NFIL3: variants seen among roughly 807,000 people sequenced by gnomAD.
The protein encoded by NFIL3 is nuclear factor interleukin-3-regulated protein.
NFIL3 carries 5 observed loss-of-function variants against 10.0 expected under a neutral mutation model. The ratio of observed to expected loss-of-function variants is 0.50; its 90% CI spans 0.26 to 1.06. The LOEUF (loss-of-function observed/expected upper bound fraction) is 1.06, where lower values mean the gene tolerates loss of function less well. Ranked by LOEUF, NFIL3 falls within the 50% of genes least tolerant of loss-of-function variation. The pLI is 0.13. For missense variants in NFIL3, 436 were observed against 547.6 expected (o/e 0.80, Z 2.03); for synonymous variants, 202 against 206.5 (o/e 0.98, Z 0.19).
chr9:91,436,607 CAACAACAACAACAAA>C, the NFIL3 span, among the ~76,000 whole-genome samples: 4 of 149,208 alleles, frequency 2.7e-5, no homozygotes, highest in African/African-American at 5.1e-5. Flanking sequence ...ACAACAACAA[CAACAACAACAACAAA>C]GAGTTGAAGG....
the NFIL3 span, among the ~76,000 whole-genome samples, chr9:91,444,175 C>T: frequency 6.6e-6 from 1 of 151,976 alleles, no homozygotes; most frequent in Non-Finnish European, 1.5e-5. Flanking sequence ...TTCAAGTTCA[C>T]AGAATCTTTC....
the NFIL3 span, among the ~76,000 whole-genome samples, chr9:91,438,670 T>G: frequency 4.6e-5 from 7 of 152,214 alleles, no homozygotes; most frequent in Non-Finnish European, 8.8e-5. Flanking sequence ...TTATCCATTT[T>G]GAGTTGCTTT....
the NFIL3 span, among the ~76,000 whole-genome samples, chr9:91,463,404 TTTA>T: frequency 2.0e-4 from 30 of 151,480 alleles, no homozygotes; most frequent in African/African-American, 6.0e-4. Context: ...TATTTCATTA[TTTA>T]TTATTTTATT....
At chr9:91,460,996 G>A in the NFIL3 span, among the ~76,000 whole-genome samples, 13 of 152,328 alleles carry the variant, frequency 8.5e-5, no homozygotes, top group South Asian at 2.5e-3. Context: ...TAAGCAATGA[G>A]TAAGACGCTT....
At chr9:91,450,964 C>T in the NFIL3 span, among the ~76,000 whole-genome samples, 1 of 152,116 alleles carries the variant, frequency 6.6e-6, no homozygotes, top group Admixed American at 6.6e-5. Flanking sequence ...ATCTGTTCCC[C>T]AAACAGTAAC....
the NFIL3 span, among the ~76,000 whole-genome samples, chr9:91,467,530 G>A: frequency 3.3e-5 from 5 of 151,692 alleles, no homozygotes; most frequent in Admixed American, 2.6e-4. Context: ...GATTCTCTGG[G>A]ATTTTTTTTA....
At chr9:91,432,738 A>G in the NFIL3 span, among the ~76,000 whole-genome samples, 1 of 152,180 alleles carries the variant, frequency 6.6e-6, no homozygotes, top group Admixed American at 6.5e-5. Flanking sequence ...TTTGTAAAGC[A>G]TTAGTGTGAG....
In NFIL3 at chr9:91,410,262, T is replaced by C; in HGVS notation, c.473A>G (p.Asn158Ser). The C allele has an allele frequency of 1.2e-6, 2 of 1,614,196 alleles. No individual in the cohort carries two copies. Among genetic ancestry groups the C allele is most frequent in the South Asian group, 2.2e-5 (2 of 91,084 alleles). ...YFQDYQTSKSNVSSFVDEHEP... is the reference protein window; with the variant it reads ...YFQDYQTSKSSVSSFVDEHEP... ...GTGCTCGTCCACAAATGAACTCACATTGGATTTGGAAGTCTGGTAATCTTG... is the reference window on the plus strand; with the variant it reads ...GTGCTCGTCCACAAATGAACTCACACTGGATTTGGAAGTCTGGTAATCTTG... The change falls in exon 2 of 2, where the codon AAT becomes AGT. Residue 158 changes from asparagine to serine, a missense_variant. Asn to Ser is a conservative substitution (Grantham distance 46). Coordinates refer to ENST00000297689, the MANE Select transcript of NFIL3 (RefSeq NM_005384.3). This position sits in a 1 kb window ranked among gnomAD's most constrained non-coding sequence, Gnocchi z 5.7.
Position 91,410,288 on chromosome 9 carries a change from A to T in NFIL3, c.447T>A (p.Phe149Leu). ...TGGATTTGGAAGTCTGGTAATCTTGAAAGTACACAGCTGTAGAATTACTGA... is the reference window on the plus strand; with the variant it reads ...TGGATTTGGAAGTCTGGTAATCTTGTAAGTACACAGCTGTAGAATTACTGA... ...QKLSNSTAVYFQDYQTSKSNV... is the reference protein window; with the variant it reads ...QKLSNSTAVYLQDYQTSKSNV... Residue 149 changes from phenylalanine to leucine, a missense_variant, in exon 2 of 2, where the codon TTT becomes TTA. Physicochemically the swap from Phe to Leu is conservative, Grantham distance 22 (BLOSUM62 0). Around this residue, in one of 3 missense-constraint regions of NFIL3, gnomAD observed 338 missense variants for 399.9 expected, o/e 0.85. Coordinates refer to ENST00000297689, the MANE Select transcript of NFIL3 (RefSeq NM_005384.3). This position sits in a 1 kb window ranked among gnomAD's most constrained non-coding sequence, Gnocchi z 5.7. 2 of 1,614,202 alleles carry T rather than the reference A, an allele frequency of 1.2e-6. No individual in the cohort carries two copies. Among genetic ancestry groups the T allele is most frequent in the Non-Finnish European group, 1.7e-6 (2 of 1,180,040 alleles).
the NFIL3 span, among the ~76,000 whole-genome samples, chr9:91,429,807 G>A: frequency 6.6e-6 from 1 of 151,960 alleles, no homozygotes; most frequent in Non-Finnish European, 1.5e-5. Flanking sequence ...GCCAGCTCTC[G>A]GGCAGTCACC....
At chr9:91,429,923 A>G in the NFIL3 span, among the ~76,000 whole-genome samples, 2 of 151,800 alleles carry the variant, frequency 1.3e-5, no homozygotes, top group Non-Finnish European at 2.9e-5. Context: ...GCTGTGGGCA[A>G]CTTACTTTTC....
chr9:91,470,584 G>T, the NFIL3 span, among the ~76,000 whole-genome samples: 8 of 151,946 alleles, frequency 5.3e-5, no homozygotes, highest in Non-Finnish European at 7.4e-5. Context: ...GTTTGCCCTT[G>T]CTTCTCTAGT....
intron 1 of NFIL3, among the ~76,000 whole-genome samples, chr9:91,412,947 C>CT (rs1386442266): frequency 8.0e-5 from 12 of 150,916 alleles, no homozygotes; most frequent in Admixed American, 7.9e-4. Context: ...ATGAAGTTTA[C>CT]TTTTATCAAT....
chr9:91,414,550 C>T (rs750165630), intron 1 of NFIL3, among the ~76,000 whole-genome samples: 1 of 152,194 alleles, frequency 6.6e-6, no homozygotes, highest in Non-Finnish European at 1.5e-5. Flanking sequence ...TGAGCCACCT[C>T]GCCAGGCCAC....
chr9:91,480,633 A>G, the NFIL3 span, among the ~76,000 whole-genome samples: 1 of 152,214 alleles, frequency 6.6e-6, no homozygotes, highest in Non-Finnish European at 1.5e-5. Context: ...AAATTTGGCG[A>G]TGGACTACGG....
At position 91,420,357 on chromosome 9, in the gene NFIL3, A is replaced by T. The variant is rs960692564; in HGVS notation, c.-173+3283T>A. On this transcript the variant is annotated intron_variant, in intron 1 of 1. Transcript: ENST00000297689. ...AAGAGAAAAATGAAGGTAAATACAC[A>T]CACACACACACACACACACACACAC... Among the ~76,000 whole-genome samples, 485 of 101,330 alleles carry T rather than the reference A, an allele frequency of 4.8e-3. 4 individuals carry two copies. The highest frequency in any genetic ancestry group is 0.013 in the Admixed American group (128 of 9,612). The allele number at this position is 101,330 out of a possible 152,430, so 66.5% of individuals were successfully genotyped here.
At chr9:91,442,097 A>G in the NFIL3 span, among the ~76,000 whole-genome samples, 1 of 151,250 alleles carries the variant, frequency 6.6e-6, no homozygotes, top group Non-Finnish European at 1.5e-5. Flanking sequence ...TGCTTGAAGA[A>G]CTCCTTTAAG....
upstream of NFIL3, among the ~76,000 whole-genome samples, chr9:91,427,973 G>C (rs139134458): frequency 3.3e-5 from 5 of 152,248 alleles, no homozygotes; most frequent in East Asian, 9.7e-4. Flanking sequence ...GAGGCTTTAA[G>C]ATGTGAGCTA....
At chr9:91,462,301 G>C in the NFIL3 span, among the ~76,000 whole-genome samples, 1 of 152,034 alleles carries the variant, frequency 6.6e-6, no homozygotes, top group South Asian at 2.1e-4. Flanking sequence ...ATCTTAGGAG[G>C]ATCTGTGTTA....
Sources: allele counts gnomAD v4.1 joint callset (sites outside exome capture counted in the v4.1 genomes callset), GRCh38; gene constraint gnomAD v4.1.1; regional missense constraint gnomAD v4.1.1; non-coding constraint Gnocchi (gnomAD v3.1); transcripts MANE v1.5; gene names NCBI Gene and HGNC (gene_info 2026-07-23, HGNC 2026-07-21).